Variants in PTGFR observed in about 807,000 individuals in gnomAD.
PTGFR encodes prostaglandin F receptor.
In PTGFR, 15 loss-of-function variants were observed where a neutral mutation model predicts 26.2. The observed-to-expected ratio is 0.57, with a 90% CI of 0.38 to 0.88. The LOEUF is 0.88. Ranked by LOEUF, PTGFR falls within the 40% of genes least tolerant of loss-of-function variation. The pLI is 0.00. For synonymous variants in PTGFR, 165 were observed against 151.1 expected (o/e 1.09, Z -0.68); for missense variants, 369 against 427.2 (o/e 0.86, Z 1.20).
At chr1:78,523,286 C>T (rs1422212644) in intron 2 of PTGFR, among the ~76,000 whole-genome samples, 1 of 152,038 alleles carries the variant, frequency 6.6e-6, no homozygotes, top group African/African-American at 2.4e-5. Flanking sequence ...TTCCAAATTG[C>T]CCAAATTGTC....
chr1:78,539,985 A>G lies in PTGFR; in HGVS notation c.*3298A>G, dbSNP rs551382018. Among the ~76,000 whole-genome samples the G allele has an allele frequency of 6.6e-6, 1 of 152,220 alleles. No individual in the cohort carries two copies. Among genetic ancestry groups the G allele is most frequent in the South Asian group, 2.1e-4 (1 of 4,826 alleles). Reference sequence around the variant, plus strand: ...TGATTTCCCAAACCTCCAGGTTTAGATATATCATTCAGAAAAGCCTCAATG... The same window carrying G: ...TGATTTCCCAAACCTCCAGGTTTAGGTATATCATTCAGAAAAGCCTCAATG... On this transcript the variant is annotated 3_prime_UTR_variant, in exon 3 of 3. Coordinates refer to ENST00000370757, the MANE Select transcript of PTGFR (RefSeq NM_000959.4).
At chr1:78,512,242 C>T (rs982065840) in intron 2 of PTGFR, among the ~76,000 whole-genome samples, 1 of 152,308 alleles carries the variant, frequency 6.6e-6, no homozygotes, top group Admixed American at 6.5e-5. Flanking sequence ...ATCTTTATAT[C>T]AACACTCCGC....
rs41298537 is a variant in PTGFR, at chr1:78,536,819, T to A, written c.*132T>A. On this transcript the variant is annotated 3_prime_UTR_variant, in exon 3 of 3. Coordinates refer to ENST00000370757, the MANE Select transcript of PTGFR (RefSeq NM_000959.4). Reference sequence around the variant, plus strand: ...ATCATGTAGTTTGAAGATACTATTGTCAGATTCAGGTTTTGAAATTTGTCA... The same window carrying A: ...ATCATGTAGTTTGAAGATACTATTGACAGATTCAGGTTTTGAAATTTGTCA... 6,154 of 1,048,576 alleles carry A rather than the reference T, an allele frequency of 5.9e-3. 28 individuals are homozygous for A. The highest frequency in any genetic ancestry group is 6.5e-3 in the Non-Finnish European group (4,941 of 757,484). 65.0% of individuals were successfully genotyped at this position (1,048,576 alleles called of 1,614,324 possible). A position where few individuals can be genotyped will look rare whatever the true frequency, so the allele number is the denominator to read the frequency against.
At chr1:78,500,039 C>T (rs754006300) in intron 2 of PTGFR, among the ~76,000 whole-genome samples, 10 of 151,466 alleles carry the variant, frequency 6.6e-5, no homozygotes, top group Non-Finnish European at 1.5e-4. Context: ...TTCTCTACAG[C>T]CACACATTTT....
intron 2 of PTGFR, among the ~76,000 whole-genome samples, chr1:78,528,066 C>G (rs1054242693): frequency 3.3e-5 from 5 of 151,838 alleles, no homozygotes; most frequent in Non-Finnish European, 5.9e-5. Flanking sequence ...TGGCACTGAA[C>G]TTTGTGGCTA....
At chr1:78,518,277 A>G (rs1475407853) in intron 2 of PTGFR, among the ~76,000 whole-genome samples, 4 of 152,172 alleles carry the variant, frequency 2.6e-5, no homozygotes, top group African/African-American at 9.6e-5. Context: ...CTGTTGGTTT[A>G]GCAAAGGACA....
chr1:78,526,776 G>GA (rs1650384256), intron 2 of PTGFR, among the ~76,000 whole-genome samples: 1 of 152,052 alleles, frequency 6.6e-6, no homozygotes, highest in Non-Finnish European at 1.5e-5. Flanking sequence ...GTGAAGCAAA[G>GA]GTTTGGGCCC....
At chr1:78,520,166 T>A (rs1650189390) in intron 2 of PTGFR, among the ~76,000 whole-genome samples, 1 of 152,104 alleles carries the variant, frequency 6.6e-6, no homozygotes, top group Admixed American at 6.6e-5. Flanking sequence ...GGGTTTTGGA[T>A]CTTGAGTCTT....
chr1:78,500,085 T>C (rs935285417), intron 2 of PTGFR, among the ~76,000 whole-genome samples: 2 of 152,082 alleles, frequency 1.3e-5, no homozygotes, highest in African/African-American at 4.8e-5. Flanking sequence ...ATTTTATCTC[T>C]GAGAGAATCA....
At chr1:78,497,909 T>C (rs1330589519) in intron 2 of PTGFR, 1 of 1,594,748 alleles carries the variant, frequency 6.3e-7, no homozygotes, top group Non-Finnish European at 8.6e-7. Context: ...AAGAGAAATA[T>C]AAAGTATATG....
At chr1:78,498,306 A>T (rs1288106491) in intron 2 of PTGFR, among the ~76,000 whole-genome samples, 5 of 152,198 alleles carry the variant, frequency 3.3e-5, no homozygotes, top group Non-Finnish European at 7.4e-5. Flanking sequence ...ACTTGCCTCA[A>T]TACCCAAAGG....
At chr1:78,527,285 A>G (rs1456856177) in intron 2 of PTGFR, among the ~76,000 whole-genome samples, 1 of 152,078 alleles carries the variant, frequency 6.6e-6, no homozygotes, top group Non-Finnish European at 1.5e-5. Flanking sequence ...TAAAAGTTTA[A>G]ATGGCATAAA....
chr1:78,531,486 A>G (rs1305901612), intron 2 of PTGFR, among the ~76,000 whole-genome samples: 1 of 152,134 alleles, frequency 6.6e-6, no homozygotes, highest in Non-Finnish European at 1.5e-5. Context: ...GTCTATCACC[A>G]TAACAATTAA....
In PTGFR at chr1:78,524,321, G is replaced by T. The variant is rs75624451; in HGVS notation, c.799-12085G>T. Among the ~76,000 whole-genome samples the T allele has an allele frequency of 2.0e-5, 3 of 152,168 alleles. No homozygotes were observed. The East Asian group carries it at 5.8e-4, about 29-fold the overall frequency. Reference sequence around the variant, plus strand: ...ATCCATTTGGTATCAACAAAATGAGGAAGAGGATAAATACATGTTATCTAG... The same window carrying T: ...ATCCATTTGGTATCAACAAAATGAGTAAGAGGATAAATACATGTTATCTAG... On this transcript the variant is annotated intron_variant, in intron 2 of 2. Transcript: ENST00000370757.
intron 2 of PTGFR, among the ~76,000 whole-genome samples, chr1:78,524,718 G>A (rs934926069): frequency 4.6e-5 from 7 of 151,854 alleles, no homozygotes; most frequent in Admixed American, 6.6e-5. Flanking sequence ...TATCTTGGGC[G>A]AATCACCTTC....
In PTGFR at chr1:78,497,096, A is replaced by G. The variant is rs908604834; in HGVS notation, c.798+3555A>G. Among the ~76,000 whole-genome samples the G allele has an allele frequency of 3.9e-5, 6 of 152,180 alleles. No individual in the cohort carries two copies. The South Asian group carries it at 8.3e-4, about 21-fold the overall frequency. On this transcript the variant is annotated intron_variant, in intron 2 of 2. Coordinates refer to ENST00000370757, the MANE Select transcript of PTGFR (RefSeq NM_000959.4). ...GGATCATGCAGAATAAATGTTTTAA[A>G]TTAAAACATTTAATGTGTTTTATTT...
chr1:78,525,570 T>C (rs554173), intron 2 of PTGFR, among the ~76,000 whole-genome samples: 15,819 of 151,896 alleles, frequency 0.1, 1,917 homozygotes, highest in East Asian at 0.3. Flanking sequence ...TCTAGGGTTT[T>C]TAATTACATT....
Position 78,492,891 on chromosome 1 carries a change from A to C in PTGFR, c.148A>C (p.Ile50Leu). ...GILSNSLAIA[I>L]LMKAYQRFRQ... Reference sequence around the variant, plus strand: ...CTTGTCAAACAGCCTTGCCATCGCCATTCTCATGAAGGCATATCAGAGATT... The same window carrying C: ...CTTGTCAAACAGCCTTGCCATCGCCCTTCTCATGAAGGCATATCAGAGATT... The change falls in exon 2 of 3, where the codon ATT (isoleucine) becomes CTT (leucine). Residue 50 changes from isoleucine to leucine, a missense_variant. By Grantham distance (5) the Ile-to-Leu change is conservative (BLOSUM62 2). Coordinates refer to ENST00000370757, the MANE Select transcript of PTGFR (RefSeq NM_000959.4). The C allele has an allele frequency of 6.2e-7, 1 of 1,614,244 alleles. No individual in the cohort carries two copies. The highest frequency in any genetic ancestry group is 1.3e-5 in the African/African-American group (1 of 75,064).
chr1:78,493,340 A>AT lies in PTGFR; in HGVS notation c.601dup (p.Tyr201LeufsTer31). The AT allele has an allele frequency of 1.2e-6, 2 of 1,613,968 alleles. No individual in the cohort carries two copies. The highest frequency in any genetic ancestry group is 8.5e-7 in the Non-Finnish European group (1 of 1,179,982). ...AAGACATCAAAGACTGGGAAGATAG[A>AT]TTTTATCTTCTACTTTTTTCTTTTC... On this transcript the variant is annotated frameshift_variant, in exon 2 of 3. Transcript: ENST00000370757. LOFTEE classifies it high-confidence loss of function.
Sources: gnomAD v4.1 joint callset for allele counts (sites outside exome capture counted in the v4.1 genomes callset) on GRCh38, gnomAD v4.1.1 for gene constraint, MANE v1.5 for transcripts, NCBI Gene and HGNC (gene_info 2026-07-23, HGNC 2026-07-21) for gene names.